Variants in FSTL4 observed in about 807,000 individuals in gnomAD.
FSTL4 encodes the protein follistatin-related protein 4.
FSTL4 carries 28 observed loss-of-function variants against 78.2 expected under a neutral mutation model. That is an observed-to-expected ratio of 0.36 (90% CI 0.27 to 0.49). The LOEUF is 0.49. Ranked by LOEUF, FSTL4 falls within the 20% of genes least tolerant of loss-of-function variation. The pLI, the probability that FSTL4 is intolerant of heterozygous loss-of-function variation, is 0.98. For synonymous variants in FSTL4, 422 were observed against 440.5 expected (o/e 0.96, Z 0.53); for missense variants, 922 against 1,084.9 (o/e 0.85, Z 2.11).
chr5:133,314,142 G>T (rs1008121926), intron 5 of FSTL4, among the ~76,000 whole-genome samples: 2 of 152,172 alleles, frequency 1.3e-5, no homozygotes, highest in Non-Finnish European at 2.9e-5. Flanking sequence ...GATGCCACCT[G>T]CCCTTGGTGC....
At chr5:133,283,788 G>C (rs1011678939) in intron 6 of FSTL4, among the ~76,000 whole-genome samples, 1 of 152,180 alleles carries the variant, frequency 6.6e-6, no homozygotes, top group Non-Finnish European at 1.5e-5. Flanking sequence ...CTGAGACTGG[G>C]TTATTGATGA....
chr5:133,506,696 G>A (rs1018507487), intron 3 of FSTL4, among the ~76,000 whole-genome samples: 2 of 152,180 alleles, frequency 1.3e-5, no homozygotes, highest in Admixed American at 6.5e-5. Flanking sequence ...GAGGGTTAAG[G>A]CAGGGCACAA....
intron 4 of FSTL4, among the ~76,000 whole-genome samples, chr5:133,377,642 G>A (rs764433790): frequency 2.0e-5 from 3 of 151,804 alleles, no homozygotes; most frequent in Non-Finnish European, 2.9e-5. Flanking sequence ...AATGAACAAA[G>A]CCTCAGAGAA....
intron 2 of FSTL4, among the ~76,000 whole-genome samples, chr5:133,590,319 CA>C (rs1416568846): frequency 6.6e-6 from 1 of 151,584 alleles, no homozygotes; most frequent in Non-Finnish European, 1.5e-5. Flanking sequence ...CTTGGCTACA[CA>C]GAAAGAGATA....
the FSTL4 span, among the ~76,000 whole-genome samples, chr5:133,732,917 G>C: frequency 6.6e-6 from 1 of 152,174 alleles, no homozygotes; most frequent in Non-Finnish European, 1.5e-5. Flanking sequence ...ACTTCTCACT[G>C]TGTGTCACTG....
At chr5:133,432,314 T>C (rs1756956654) in intron 3 of FSTL4, among the ~76,000 whole-genome samples, 2 of 152,186 alleles carry the variant, frequency 1.3e-5, no homozygotes, top group Non-Finnish European at 2.9e-5. Context: ...CATTAGCTAA[T>C]GGAGAGAAAT....
intron 8 of FSTL4, among the ~76,000 whole-genome samples, chr5:133,229,473 A>AGT (rs1202472502): frequency 6.6e-6 from 1 of 152,200 alleles, no homozygotes; most frequent in Non-Finnish European, 1.5e-5. Flanking sequence ...CAGTGAGCCT[A>AGT]GATCATGCTA....
intron 4 of FSTL4, among the ~76,000 whole-genome samples, chr5:133,395,412 G>A (rs566920412): frequency 6.6e-6 from 1 of 152,252 alleles, no homozygotes; most frequent in Admixed American, 6.5e-5. Context: ...GAACCCACCA[G>A]AAGGAAGAAA....
At chr5:133,237,827 C>T (rs922765554) in intron 7 of FSTL4, among the ~76,000 whole-genome samples, 2 of 150,624 alleles carry the variant, frequency 1.3e-5, no homozygotes, top group Non-Finnish European at 2.9e-5. Context: ...TTGATTGCAT[C>T]TCTGTACTTG....
chr5:133,671,943 A>G, the FSTL4 span, among the ~76,000 whole-genome samples: 1 of 152,234 alleles, frequency 6.6e-6, no homozygotes, highest in Non-Finnish European at 1.5e-5. Flanking sequence ...GATATTTAAG[A>G]ATGTTACCAC....
At chr5:133,699,607 C>T in the FSTL4 span, among the ~76,000 whole-genome samples, 5 of 152,250 alleles carry the variant, frequency 3.3e-5, no homozygotes, top group South Asian at 6.2e-4. Context: ...CATGGCCGGG[C>T]GCGGTGGCTC....
chr5:133,511,559 C>A (rs977655225), intron 3 of FSTL4, among the ~76,000 whole-genome samples: 2 of 152,174 alleles, frequency 1.3e-5, no homozygotes, highest in African/African-American at 4.8e-5. Flanking sequence ...AAGGCTGCAA[C>A]TCCAAAGACT....
At chr5:133,700,031 G>A in the FSTL4 span, among the ~76,000 whole-genome samples, 2 of 152,156 alleles carry the variant, frequency 1.3e-5, no homozygotes, top group African/African-American at 4.8e-5. Context: ...TTTGCCCGCG[G>A]TCTTCATTCA....
intron 3 of FSTL4, among the ~76,000 whole-genome samples, chr5:133,533,441 T>G (rs909186917): frequency 8.5e-5 from 13 of 152,136 alleles, no homozygotes; most frequent in Non-Finnish European, 1.9e-4. Context: ...AGGCAGGGTT[T>G]TGCCATGTTG....
chr5:133,325,208 T>C (rs944706608), intron 4 of FSTL4, among the ~76,000 whole-genome samples: 3 of 152,186 alleles, frequency 2.0e-5, no homozygotes, highest in Non-Finnish European at 2.9e-5. Context: ...GGCCTGTGGA[T>C]GAATTTGGCT....
chr5:133,768,855 C>T, the FSTL4 span, among the ~76,000 whole-genome samples: 2 of 152,220 alleles, frequency 1.3e-5, no homozygotes, highest in African/African-American at 4.8e-5. Context: ...GAAGTTAGCT[C>T]CACTGCTGGG....
chr5:133,281,736 G>A (rs1753013877), intron 6 of FSTL4, among the ~76,000 whole-genome samples: 1 of 152,188 alleles, frequency 6.6e-6, no homozygotes, highest in African/African-American at 2.4e-5. Flanking sequence ...TTCTGGACTA[G>A]GGCAGTCCCA....
chr5:133,723,095 G>A, the FSTL4 span, among the ~76,000 whole-genome samples: 1 of 152,224 alleles, frequency 6.6e-6, no homozygotes, highest in Non-Finnish European at 1.5e-5. Context: ...CAGAGCAGCT[G>A]TGGAGCCAGG....
At chr5:133,729,702 C>A in the FSTL4 span, among the ~76,000 whole-genome samples, 1 of 152,054 alleles carries the variant, frequency 6.6e-6, no homozygotes. Flanking sequence ...CACCACCAAC[C>A]CACCTTACTA....
Sources: allele counts gnomAD v4.1 joint callset (sites outside exome capture counted in the v4.1 genomes callset), GRCh38; gene constraint gnomAD v4.1.1; transcripts MANE v1.5; gene names NCBI Gene and HGNC (gene_info 2026-07-23, HGNC 2026-07-21).